Variants in SH3BGRL2 observed in about 807,000 individuals in gnomAD.
SH3BGRL2 encodes the protein SH3 domain-binding glutamic acid-rich-like protein 2.
In SH3BGRL2, 21 loss-of-function variants were observed where a neutral mutation model predicts 14.8. The observed-to-expected ratio is 1.42, with a 90% confidence interval of 1.01 to 2.05. The LOEUF (loss-of-function observed/expected upper bound fraction) is 2.05. SH3BGRL2 is among the 30% of genes most tolerant of loss of function. SH3BGRL2 has a pLI of 0.00. For synonymous variants in SH3BGRL2, 50 were observed against 47.8 expected, an observed-to-expected ratio of 1.05 and a Z score of -0.19; for missense variants, 147 against 130.8, an observed-to-expected ratio of 1.12 and a Z score of -0.61.
the SH3BGRL2 span, among the ~76,000 whole-genome samples, chr6:79,606,944 A>G: frequency 6.6e-6 from 1 of 152,192 alleles, no homozygotes; most frequent in Non-Finnish European, 1.5e-5. Flanking sequence ...AAAGGAAAAC[A>G]TACTTTGCTT....
At chr6:79,555,971 A>T in the SH3BGRL2 span, among the ~76,000 whole-genome samples, 1 of 152,332 alleles carries the variant, frequency 6.6e-6, no homozygotes, top group East Asian at 1.9e-4. Context: ...AGAAAGAATT[A>T]TTCACTAAAT....
the SH3BGRL2 span, among the ~76,000 whole-genome samples, chr6:79,594,997 C>T: frequency 6.6e-6 from 1 of 152,150 alleles, no homozygotes; most frequent in East Asian, 1.9e-4. Context: ...TAAGAATCTG[C>T]TGTTCAGGCC....
At chr6:79,575,677 T>C in the SH3BGRL2 span, 2 of 152,250 alleles carry the variant, frequency 1.3e-5, no homozygotes, top group Admixed American at 1.3e-4. Flanking sequence ...CTTTCAGATA[T>C]TAATATAGAT....
chr6:79,538,033 T>TTTTTG, the SH3BGRL2 span, among the ~76,000 whole-genome samples: 1 of 134,890 alleles, frequency 7.4e-6, no homozygotes, highest in Non-Finnish European at 1.6e-5. Flanking sequence ...TTTTTTTTTT[T>TTTTTG]TTTTTTTTTT....
the SH3BGRL2 span, among the ~76,000 whole-genome samples, chr6:79,568,651 G>A: frequency 1.3e-5 from 2 of 152,114 alleles, no homozygotes; most frequent in Non-Finnish European, 2.9e-5. Flanking sequence ...AAGTTGAGAG[G>A]AGTGATGATG....
intron 1 of SH3BGRL2, 73 bp downstream of exon 1, chr6:79,631,579 T>G: frequency 8.3e-7 from 1 of 1,204,928 alleles, no homozygotes; most frequent in Non-Finnish European, 1.1e-6. Context: ...GCGGCGCTCG[T>G]CACTGCGCGT....
At chr6:79,695,414 G>A (rs1045744311) in intron 2 of SH3BGRL2, among the ~76,000 whole-genome samples, 3 of 152,194 alleles carry the variant, frequency 2.0e-5, no homozygotes, top group African/African-American at 4.8e-5. Flanking sequence ...CAAGGCATGC[G>A]TTGCAGGAAG....
chr6:79,600,004 C>T, the SH3BGRL2 span, among the ~76,000 whole-genome samples: 19 of 152,236 alleles, frequency 1.2e-4, no homozygotes, highest in East Asian at 1.4e-3. Context: ...ACTTTCTTCA[C>T]GGCCTAGGAC....
intron 3 of SH3BGRL2, among the ~76,000 whole-genome samples, chr6:79,696,960 G>A (rs1322256581): frequency 6.6e-6 from 1 of 151,776 alleles, no homozygotes; most frequent in Non-Finnish European, 1.5e-5. Flanking sequence ...AGAAGAGATG[G>A]TCTATAATAA....
At chr6:79,637,421 A>T (rs1768947070) in intron 1 of SH3BGRL2, among the ~76,000 whole-genome samples, 1 of 152,298 alleles carries the variant, frequency 6.6e-6, no homozygotes, top group South Asian at 2.1e-4. Flanking sequence ...GGCCGGGCAC[A>T]GTGGCTCATA....
the SH3BGRL2 span, among the ~76,000 whole-genome samples, chr6:79,570,145 T>C: frequency 6.6e-6 from 1 of 152,178 alleles, no homozygotes; most frequent in African/African-American, 2.4e-5. Context: ...TAAGAACATA[T>C]GGTAGTTACA....
intron 1 of SH3BGRL2, among the ~76,000 whole-genome samples, chr6:79,640,553 T>C (rs1341382077): frequency 6.6e-6 from 1 of 152,168 alleles, no homozygotes; most frequent in African/African-American, 2.4e-5. Context: ...GTCACCTTTG[T>C]TACTATTGAC....
chr6:79,591,461 T>C, the SH3BGRL2 span, among the ~76,000 whole-genome samples: 3 of 152,172 alleles, frequency 2.0e-5, no homozygotes, highest in Non-Finnish European at 4.4e-5. Context: ...CAGGCTGGAG[T>C]GCAGTGGTGC....
Position 79,702,984 on chromosome 6 carries a change from G to A in SH3BGRL2, c.*3475G>A, listed in dbSNP as rs557042051. On this transcript the variant is annotated 3_prime_UTR_variant, in exon 4 of 4. Coordinates refer to ENST00000369838, the MANE Select transcript of SH3BGRL2 (RefSeq NM_031469.4). ...TGATCTCAGCACTGAACGATTTCAA[G>A]CCCTACGCACCAGAACAGAAGGAGG... 6.6e-6 allele frequency: 1 copy of A among 152,366 alleles called. No homozygotes were observed. Among genetic ancestry groups the A allele is most frequent in the South Asian group, 2.1e-4 (1 of 4,830 alleles). 9.4% of individuals were successfully genotyped at this position (152,366 alleles called of 1,614,324 possible). A position where few individuals can be genotyped will look rare whatever the true frequency, so the allele number is the denominator to read the frequency against.
the SH3BGRL2 span, among the ~76,000 whole-genome samples, chr6:79,610,921 A>G: frequency 6.6e-6 from 1 of 152,186 alleles, no homozygotes; most frequent in Non-Finnish European, 1.5e-5. Context: ...TCAAGACAAA[A>G]TTGATTCATT....
intron 1 of SH3BGRL2, among the ~76,000 whole-genome samples, chr6:79,666,011 C>A (rs1283216924): frequency 6.6e-6 from 1 of 152,152 alleles, no homozygotes; most frequent in Non-Finnish European, 1.5e-5. Flanking sequence ...CAAATGGCTT[C>A]TTGGGGGTTA....
At chr6:79,547,657 G>A in the SH3BGRL2 span, among the ~76,000 whole-genome samples, 1 of 152,146 alleles carries the variant, frequency 6.6e-6, no homozygotes, top group African/African-American at 2.4e-5. Context: ...AATCAGAAAT[G>A]AGATTGAAGT....
the SH3BGRL2 span, among the ~76,000 whole-genome samples, chr6:79,577,309 GTTC>G: frequency 0.01 from 1,572 of 152,150 alleles, 26 homozygotes; most frequent in African/African-American, 0.036. Flanking sequence ...GGTAGTGTAA[GTTC>G]TTCTCCTTTT....
intron 1 of SH3BGRL2, among the ~76,000 whole-genome samples, chr6:79,672,691 C>G (rs1220292887): frequency 2.6e-5 from 4 of 152,016 alleles, no homozygotes; most frequent in South Asian, 2.1e-4. Flanking sequence ...GGAATGTATC[C>G]CCCATGGATA....
Sources: allele counts gnomAD v4.1 joint callset (sites outside exome capture counted in the v4.1 genomes callset), GRCh38; gene constraint gnomAD v4.1.1; transcripts MANE v1.5; gene names NCBI Gene and HGNC (gene_info 2026-07-23, HGNC 2026-07-21).